NPFFR2: variants seen among roughly 807,000 people sequenced by gnomAD.
NPFFR2 encodes the protein G-protein coupled receptor 74.
Under a neutral mutation model 13.1 loss-of-function variants are expected in NPFFR2, and 15 were observed. That is an observed-to-expected ratio of 1.15 (90% CI 0.77 to 1.76). NPFFR2 has a LOEUF of 1.76. NPFFR2 is among the 40% of genes most tolerant of loss of function. The pLI is 0.00. For missense variants in NPFFR2, 572 were observed against 503.5 expected, an observed-to-expected ratio of 1.14 and a Z score of -1.30; for synonymous variants, 190 against 175.7, an observed-to-expected ratio of 1.08 and a Z score of -0.65.
chr4:72,147,473 G>A lies in NPFFR2; in HGVS notation c.924G>A (p.Gln308=). ...CTGACCTTTCTCCAAATGAACTGCA[G>A]ATCATCAACATCTACATCTACCCTT... ...DYADLSPNEL[Q]IINIYIYPFA... Residue 308 remains glutamine (Q), a synonymous_variant, in exon 4 of 4, where the codon CAG becomes CAA. Coordinates refer to ENST00000308744, the MANE Select transcript of NPFFR2 (RefSeq NM_004885.3). 1.2e-6 allele frequency: 2 copies of A among 1,614,180 alleles called. No homozygotes were observed.
chr4:72,038,455 C>T (rs1719100496), intron 1 of NPFFR2, among the ~76,000 whole-genome samples: 1 of 152,148 alleles, frequency 6.6e-6, no homozygotes, highest in Non-Finnish European at 1.5e-5. Flanking sequence ...TTCCATTTCC[C>T]TATTAGATTA....
intron 1 of NPFFR2, among the ~76,000 whole-genome samples, chr4:72,066,886 A>T (rs373105344): frequency 6.6e-6 from 1 of 152,246 alleles, no homozygotes; most frequent in East Asian, 1.9e-4. Context: ...CAGCTCTCCC[A>T]GACTGGCATT....
At chr4:72,048,974 G>T (rs1420738318) in intron 1 of NPFFR2, among the ~76,000 whole-genome samples, 1 of 152,012 alleles carries the variant, frequency 6.6e-6, no homozygotes, top group Non-Finnish European at 1.5e-5. Context: ...AATTTTTGAA[G>T]ATCTTGTGAA....
At chr4:72,040,818 A>G (rs1396969895) in intron 1 of NPFFR2, among the ~76,000 whole-genome samples, 2 of 151,748 alleles carry the variant, frequency 1.3e-5, no homozygotes, top group Non-Finnish European at 2.9e-5. Flanking sequence ...TTTTAAAGAA[A>G]TTTTAAAATC....
chr4:72,042,441 A>G (rs1719247642), intron 1 of NPFFR2, among the ~76,000 whole-genome samples: 1 of 152,230 alleles, frequency 6.6e-6, no homozygotes, highest in African/African-American at 2.4e-5. Context: ...TGTGGAAGCA[A>G]CTTTGGAACT....
At chr4:72,076,526 T>C (rs912931011) in intron 1 of NPFFR2, among the ~76,000 whole-genome samples, 2 of 152,118 alleles carry the variant, frequency 1.3e-5, no homozygotes, top group Admixed American at 6.6e-5. Context: ...TGATTTGATA[T>C]GAAAATAAGC....
intron 1 of NPFFR2, among the ~76,000 whole-genome samples, chr4:72,043,530 T>C (rs1719292252): frequency 6.6e-6 from 1 of 152,226 alleles, no homozygotes; most frequent in Non-Finnish European, 1.5e-5. Context: ...AGCCTACATC[T>C]TGCATCAGTG....
At chr4:72,142,002 A>T (rs1722641443) in intron 3 of NPFFR2, among the ~76,000 whole-genome samples, 2 of 152,050 alleles carry the variant, frequency 1.3e-5, no homozygotes. Flanking sequence ...TGATCCCTTT[A>T]CCATTATGCA....
At position 72,128,825 on chromosome 4, in the gene NPFFR2, A is replaced by G. The variant is rs1722150462; in HGVS notation, c.234A>G (p.Thr78=). The change falls in exon 2 of 4, where the codon ACA becomes ACG. Residue 78 remains threonine, a synonymous_variant. Coordinates refer to ENST00000308744, the MANE Select transcript of NPFFR2 (RefSeq NM_004885.3). ...FIVMRNKHMH[T]VTNLFILNLA... ...TAATGAGGAACAAACATATGCACAC[A>G]GTCACTAATCTCTTCATCTTAAACC... The G allele has an allele frequency of 1.9e-6, 3 of 1,614,146 alleles. No homozygotes were observed. Among genetic ancestry groups the G allele is most frequent in the East Asian group, 4.5e-5 (2 of 44,866 alleles).
chr4:72,133,095 G>A (rs926918713), intron 2 of NPFFR2, among the ~76,000 whole-genome samples: 2 of 152,056 alleles, frequency 1.3e-5, no homozygotes, highest in African/African-American at 4.8e-5. Context: ...GTCCAGAATG[G>A]TATTGCCTAG....
chr4:72,128,917 C>A lies in NPFFR2; in HGVS notation c.326C>A (p.Ala109Glu), dbSNP rs1216034641. ...MPITLLDNII[A>E]GWPFGNTMCK... ...ATAACACTGCTGGACAATATTATAG[C>A]AGGTATGTTGGCTTTTGTGCAGTTT... The change falls in exon 2 of 4, where the codon GCA (alanine) becomes GAA (glutamate). Residue 109 changes from alanine (A) to glutamate (E), a missense_variant and splice_region_variant. By Grantham distance (107) the Ala-to-Glu change is moderately radical. Coordinates refer to ENST00000308744, the MANE Select transcript of NPFFR2 (RefSeq NM_004885.3). 3.1e-6 allele frequency: 5 copies of A among 1,599,242 alleles called. No homozygotes were observed. Among genetic ancestry groups the A allele is most frequent in the Non-Finnish European group, 4.3e-6 (5 of 1,168,632 alleles).
In NPFFR2 at chr4:72,147,303, C is replaced by T; in HGVS notation, c.754C>T (p.Pro252Ser). ...AATTTCACTCTTCAGGGCTGCAGTT[C>T]CTCACACAGGCAGGAAGAACCAGGA... Reference protein sequence around the residue: ...IGISLFRAAVPHTGRKNQEQW... With the variant: ...IGISLFRAAVSHTGRKNQEQW... The change falls in exon 4 of 4, where the codon CCT becomes TCT. Residue 252 changes from proline (P) to serine (S), a missense_variant. Physicochemically the swap from Pro to Ser is moderately conservative, Grantham distance 74. Coordinates refer to ENST00000308744, the MANE Select transcript of NPFFR2 (RefSeq NM_004885.3). 6.2e-7 allele frequency: 1 copy of T among 1,614,140 alleles called. No individual in the cohort carries two copies. The highest frequency in any genetic ancestry group is 1.1e-5 in the South Asian group (1 of 91,076).
At chr4:72,141,539 G>A (rs958351206) in intron 3 of NPFFR2, among the ~76,000 whole-genome samples, 1 of 152,148 alleles carries the variant, frequency 6.6e-6, no homozygotes, top group East Asian at 1.9e-4. Context: ...TTCAGGAGCA[G>A]GTTGTTCAGC....
rs34623356 is a variant in NPFFR2, at chr4:72,038,901, C to CTTTTTTTTTTTTTTTTTTTTTTTTTTTTT, written c.-8+6704_-8+6705insTTTTTTTTTTTTTTTTTTTTTTTTTTTTT. Reference sequence around the variant, plus strand: ...TTTTAATTCTTGATTTTTAAATTTCCTTTCTTTTTTTTTTTTTTTTTTTTT... The same window carrying CTTTTTTTTTTTTTTTTTTTTTTTTTTTTT: ...TTTTAATTCTTGATTTTTAAATTTCCTTTTTTTTTTTTTTTTTTTTTTTTTTTTTTTTCTTTTTTTTTTTTTTTTTTTTT... On this transcript the variant is annotated intron_variant, in intron 1 of 3. Coordinates refer to ENST00000308744, the MANE Select transcript of NPFFR2 (RefSeq NM_004885.3). 3.5e-5 allele frequency among the ~76,000 whole-genome samples: 3 copies of CTTTTTTTTTTTTTTTTTTTTTTTTTTTTT among 86,918 alleles called. 1 individual carries two copies. Among genetic ancestry groups the CTTTTTTTTTTTTTTTTTTTTTTTTTTTTT allele is most frequent in the Non-Finnish European group, 2.2e-5 (1 of 44,612 alleles). The allele number at this position is 86,918 out of a possible 152,430, so 57.0% of individuals were successfully genotyped here.
At chr4:72,064,916 A>T (rs901698683) in intron 1 of NPFFR2, among the ~76,000 whole-genome samples, 2 of 152,128 alleles carry the variant, frequency 1.3e-5, no homozygotes, top group African/African-American at 4.8e-5. Context: ...CTTGTTTCTT[A>T]CTTCTTCTAC....
chr4:72,075,486 A>G (rs1057358352), intron 1 of NPFFR2, among the ~76,000 whole-genome samples: 1 of 152,170 alleles, frequency 6.6e-6, no homozygotes, highest in African/African-American at 2.4e-5. Flanking sequence ...AATAATATTC[A>G]GAGACTTCTA....
rs1719349017 is a variant in NPFFR2 at position 72,045,432 on chromosome 4, C to T, written c.-8+13232C>T. On this transcript the variant is annotated intron_variant, in intron 1 of 3. Coordinates refer to ENST00000308744, the MANE Select transcript of NPFFR2 (RefSeq NM_004885.3). The stretch of plus-strand genomic sequence containing the variant: ...CATTTCCTCTTTTGGTTACTATAGC[C>T]TTATAATATATTTTTTAATCAAATA... 2.6e-5 allele frequency among the ~76,000 whole-genome samples: 4 copies of T among 152,164 alleles called. No individual in the cohort carries two copies. The East Asian group carries it at 7.7e-4, about 29-fold the overall frequency.
chr4:72,140,014 T>A (rs968124166), intron 3 of NPFFR2, among the ~76,000 whole-genome samples: 3 of 152,098 alleles, frequency 2.0e-5, no homozygotes, highest in African/African-American at 7.2e-5. Flanking sequence ...ATTCTCTTTG[T>A]AGCAATTGTG....
At chr4:72,038,908 T>TTTTTC (rs1719117331) in intron 1 of NPFFR2, among the ~76,000 whole-genome samples, 1 of 109,134 alleles carries the variant, frequency 9.2e-6, no homozygotes, top group East Asian at 2.6e-4. Context: ...TTCCTTTCTT[T>TTTTTC]TTTTTTTTTT....
Sources: gnomAD v4.1 joint callset for allele counts (sites outside exome capture counted in the v4.1 genomes callset) on GRCh38, gnomAD v4.1.1 for gene constraint, MANE v1.5 for transcripts, NCBI Gene and HGNC (gene_info 2026-07-23, HGNC 2026-07-21) for gene names.